Variants in ZBTB37 observed in about 807,000 individuals in gnomAD.
ZBTB37 encodes the protein zinc finger and BTB domain containing 37.
ZBTB37 carries 15 observed loss-of-function variants against 37.7 expected under a neutral mutation model. The observed-to-expected ratio is 0.40, with a 90% CI of 0.27 to 0.61. ZBTB37 has a LOEUF of 0.61. Among genes scored for constraint, ZBTB37 ranks in the 20% least tolerant of loss-of-function variants. The pLI is 0.44. For missense variants in ZBTB37, 514 were observed against 641.9 expected, an observed-to-expected ratio of 0.80 and a Z score of 2.15; for synonymous variants, 231 against 220.6, an observed-to-expected ratio of 1.05 and a Z score of -0.42.
chr1:173,894,753 G>A (rs1360076573), exon 4 of ZBTB37: 1 of 152,134 alleles, frequency 6.6e-6, no homozygotes, highest in Non-Finnish European at 1.5e-5. Flanking sequence ...ACCACTTTAT[G>A]GAAGGCATGT....
At chr1:173,871,489 A>G (rs1655558886) in intron 3 of ZBTB37, among the ~76,000 whole-genome samples, 1 of 152,260 alleles carries the variant, frequency 6.6e-6, no homozygotes, top group Non-Finnish European at 1.5e-5. Flanking sequence ...GGAACCTAGC[A>G]GCATTGCCCT....
exon 4 of ZBTB37, chr1:173,896,804 C>G (rs1472167825): frequency 1.3e-5 from 2 of 152,094 alleles, no homozygotes; most frequent in Admixed American, 6.5e-5. Context: ...TATAGTGGTT[C>G]TTTAAGAACC....
At chr1:173,886,241 T>C in exon 5 of ZBTB37, 3 of 1,432,362 alleles carry the variant, frequency 2.1e-6, no homozygotes, top group South Asian at 1.5e-5. Flanking sequence ...CAGAAGATGC[T>C]CCCAAGATGT....
downstream of ZBTB37, chr1:173,887,450 A>G (rs577056274): frequency 2.0e-5 from 3 of 152,306 alleles, no homozygotes; most frequent in South Asian, 2.1e-4. Flanking sequence ...CAAAGGATCA[A>G]TTTTGGTCAG....
exon 4 of ZBTB37, chr1:173,896,817 T>C (rs1572079079): frequency 6.6e-6 from 1 of 152,114 alleles, no homozygotes; most frequent in African/African-American, 2.4e-5. Context: ...TAAGAACCAC[T>C]GAAAAAACAG....
exon 4 of ZBTB37, chr1:173,891,764 CAAAA>C (rs113783847): frequency 1.3e-5 from 2 of 150,540 alleles, no homozygotes; most frequent in Non-Finnish European, 3.0e-5. Flanking sequence ...ATCTCTAAAA[CAAAA>C]AAAAATCCTT....
intron 4 of ZBTB37, among the ~76,000 whole-genome samples, chr1:173,875,116 ATG>A (rs71111072): frequency 0.23 from 31,318 of 136,608 alleles, 4,122 homozygotes; most frequent in Admixed American, 0.34. Flanking sequence ...TCTGATTATT[ATG>A]TGTGTGTGTG....
intron 4 of ZBTB37, among the ~76,000 whole-genome samples, chr1:173,885,236 A>G (rs1215775616): frequency 3.3e-5 from 5 of 152,210 alleles, no homozygotes; most frequent in Non-Finnish European, 5.9e-5. Flanking sequence ...CTCAAAACAA[A>G]AACAAAAACA....
intron 4 of ZBTB37, among the ~76,000 whole-genome samples, chr1:173,878,716 T>G (rs1656120738): frequency 2.0e-5 from 3 of 152,254 alleles, no homozygotes; most frequent in Admixed American, 2.0e-4. Flanking sequence ...TCATCTCCTG[T>G]TAAGCAATCT....
At chr1:173,886,134 G>T in exon 5 of ZBTB37, 10 of 1,547,096 alleles carry the variant, frequency 6.5e-6, no homozygotes, top group Non-Finnish European at 8.7e-6. Flanking sequence ...AAACATCCAG[G>T]GGGAGGGGGC....
chr1:173,897,981 T>G (rs1279363602), exon 4 of ZBTB37: 1 of 152,226 alleles, frequency 6.6e-6, no homozygotes, highest in Non-Finnish European at 1.5e-5. Flanking sequence ...TTCTCCCGGT[T>G]TACTGCTTTT....
intron 4 of ZBTB37, among the ~76,000 whole-genome samples, chr1:173,876,324 T>C (rs867758133): frequency 4.3e-4 from 66 of 152,282 alleles, no homozygotes; most frequent in African/African-American, 1.6e-3. Context: ...GAATTATTAT[T>C]ACTTTTTTTT....
exon 4 of ZBTB37, chr1:173,892,491 A>G (rs189547847): frequency 6.6e-6 from 1 of 152,310 alleles, no homozygotes; most frequent in African/African-American, 2.4e-5. Context: ...ATACTTTGAA[A>G]CATCTGAATA....
chr1:173,872,106 T>C (rs1655605894), intron 3 of ZBTB37, among the ~76,000 whole-genome samples: 1 of 152,236 alleles, frequency 6.6e-6, no homozygotes. Context: ...TCTCGCTGTG[T>C]CGTCCAGGCT....
At chr1:173,876,087 T>C (rs1655950473) in intron 4 of ZBTB37, among the ~76,000 whole-genome samples, 1 of 152,210 alleles carries the variant, frequency 6.6e-6, no homozygotes, top group Non-Finnish European at 1.5e-5. Flanking sequence ...TCTATTTTCT[T>C]TGCAACTCTC....
chr1:173,885,857 G>C, exon 5 of ZBTB37: 1 of 1,551,852 alleles, frequency 6.4e-7, no homozygotes, highest in Non-Finnish European at 8.7e-7. Context: ...GGAAAGATCA[G>C]CTGGAGTATC....
chr1:173,876,600 G>A (rs1382219376), intron 4 of ZBTB37, among the ~76,000 whole-genome samples: 2 of 152,152 alleles, frequency 1.3e-5, no homozygotes, highest in African/African-American at 4.8e-5. Flanking sequence ...TTACAGACAT[G>A]AGCCACCGTA....
At chr1:173,900,812 G>A (rs1293927653) in exon 4 of ZBTB37, 2 of 152,210 alleles carry the variant, frequency 1.3e-5, no homozygotes, top group African/African-American at 4.8e-5. Context: ...ATTTGCTGAA[G>A]GCTTCCTGTT....
exon 4 of ZBTB37, chr1:173,902,684 C>G (rs564946313): frequency 5.1e-4 from 77 of 152,186 alleles, no homozygotes; most frequent in African/African-American, 1.8e-3. Flanking sequence ...TAAGTGTAAA[C>G]CTCCACCTCC....
Sources: allele counts gnomAD v4.1 joint callset (sites outside exome capture counted in the v4.1 genomes callset), GRCh38; gene constraint gnomAD v4.1.1; transcripts MANE v1.5; gene names NCBI Gene and HGNC (gene_info 2026-07-23, HGNC 2026-07-21).